The following ZNF83 variants were observed in gnomAD, a reference collection of about 807,000 sequenced individuals.
ZNF83 encodes the protein zinc finger protein 816B.
For synonymous variants in ZNF83, 209 were observed against 213.0 expected (o/e 0.98, Z 0.17); for missense variants, 552 against 629.9 (o/e 0.88, Z 1.32).
intron 1 of ZNF83, among the ~76,000 whole-genome samples, chr19:52,679,249 A>G (rs2061868412): frequency 6.6e-6 from 1 of 152,216 alleles, no homozygotes; most frequent in African/African-American, 2.4e-5. Context: ...CTTAGAGAAG[A>G]CGATCATTAG....
chr19:52,623,807 C>A (rs532669515), intron 2 of ZNF83, among the ~76,000 whole-genome samples: 1 of 152,270 alleles, frequency 6.6e-6, no homozygotes, highest in South Asian at 2.1e-4. Context: ...CTAAAAACTC[C>A]TTATGATTCC....
intron 1 of ZNF83, among the ~76,000 whole-genome samples, chr19:52,674,552 G>A (rs1260296427): frequency 6.6e-6 from 1 of 152,054 alleles, no homozygotes; most frequent in Non-Finnish European, 1.5e-5. Flanking sequence ...AATACAAGTG[G>A]AACTAATAAA....
chr19:52,677,125 A>T (rs917410420), intron 1 of ZNF83, among the ~76,000 whole-genome samples: 3 of 48,054 alleles, frequency 6.2e-5, no homozygotes, highest in South Asian at 4.2e-4. Flanking sequence ...ATGATCAATT[A>T]AAAAAAAAAA....
rs140184253 is a variant in ZNF83 at position 52,672,467 on chromosome 19, G to T, written c.-282-11624C>A. Among the ~76,000 whole-genome samples, 5 of 152,266 alleles carry T rather than the reference G, an allele frequency of 3.3e-5. No homozygotes were observed. The East Asian group carries it at 9.6e-4, about 29-fold the overall frequency. On this transcript the variant is annotated intron_variant, in intron 1 of 5. Transcript: ENST00000594682. ...AGCAAGTTTAAAAAAGCATAATGTCGTCAGGCATGGTGGCTTGTGCCTGTA... is the reference window on the plus strand; with the variant it reads ...AGCAAGTTTAAAAAAGCATAATGTCTTCAGGCATGGTGGCTTGTGCCTGTA...
At chr19:52,614,862 G>C in intron 2 of ZNF83, 65 bp from the exon 3 acceptor site, 1 of 1,205,002 alleles carries the variant, frequency 8.3e-7, no homozygotes, top group South Asian at 4.0e-5. Flanking sequence ...ATCTCCTATT[G>C]AAATGTGTAA....
intron 2 of ZNF83, among the ~76,000 whole-genome samples, chr19:52,657,717 C>A (rs2061524932): frequency 6.6e-6 from 1 of 151,860 alleles, no homozygotes; most frequent in Non-Finnish European, 1.5e-5. Context: ...TGTGGTGGTG[C>A]ATGCTTGTAA....
At chr19:52,646,706 C>T (rs937578981) in intron 3 of ZNF83, among the ~76,000 whole-genome samples, 3 of 152,192 alleles carry the variant, frequency 2.0e-5, no homozygotes, top group African/African-American at 7.2e-5. Flanking sequence ...AAACTGGATA[C>T]ATCCCCCCCA....
In ZNF83 at chr19:52,613,499, G is replaced by A. The variant is rs754684053; in HGVS notation, c.1066C>T (p.Arg356Cys). The stretch of plus-strand genomic sequence containing the variant: ...AGATGTTGGGCAAGGTATGAATTGC[G>A]ACTGAAGACCTTGCCACATTCATTA... The change falls in exon 3 of 3, where the codon CGC (arginine) becomes TGC (cysteine). Residue 356 changes from arginine to cysteine, a missense_variant. Coordinates refer to ENST00000301096, the Ensembl canonical transcript of ZNF83. The A allele has an allele frequency of 1.2e-5, 19 of 1,613,364 alleles. No individual in the cohort carries two copies. Among genetic ancestry groups the A allele is most frequent in the Non-Finnish European group, 1.5e-5 (18 of 1,179,848 alleles).
chr19:52,625,836 G>C (rs1488075816), intron 2 of ZNF83, among the ~76,000 whole-genome samples: 1 of 152,082 alleles, frequency 6.6e-6, no homozygotes, highest in Non-Finnish European at 1.5e-5. Flanking sequence ...CCTCTACACA[G>C]TTACCCCATC....
At chr19:52,667,392 G>T (rs1447344698) in intron 1 of ZNF83, among the ~76,000 whole-genome samples, 2 of 152,120 alleles carry the variant, frequency 1.3e-5, no homozygotes, top group African/African-American at 4.8e-5. Context: ...TGTGAAAAAA[G>T]AAAAGTTATA....
At chr19:52,671,256 C>T (rs1050353336) in intron 1 of ZNF83, among the ~76,000 whole-genome samples, 2 of 152,136 alleles carry the variant, frequency 1.3e-5, no homozygotes, top group South Asian at 2.1e-4. Context: ...ATAAAAAAAT[C>T]AGAGCTTACA....
At chr19:52,669,416 G>C (rs901389192) in intron 1 of ZNF83, among the ~76,000 whole-genome samples, 1 of 152,186 alleles carries the variant, frequency 6.6e-6, no homozygotes, top group Admixed American at 6.5e-5. Flanking sequence ...ACAACCAACA[G>C]CTATCTATTA....
chr19:52,642,416 G>A (rs142114010), upstream of ZNF83, among the ~76,000 whole-genome samples: 1,082 of 151,704 alleles, frequency 7.1e-3, 15 homozygotes, highest in African/African-American at 0.025. Context: ...TTATAGGCAG[G>A]CACCACCACG....
At chr19:52,624,490 T>C (rs137912998) in intron 2 of ZNF83, among the ~76,000 whole-genome samples, 98 of 152,312 alleles carry the variant, frequency 6.4e-4, no homozygotes, top group African/African-American at 2.2e-3. Context: ...AACAAAACCA[T>C]TGTATCAACT....
chr19:52,624,921 T>G (rs1347413894), intron 2 of ZNF83, among the ~76,000 whole-genome samples: 10 of 152,260 alleles, frequency 6.6e-5, no homozygotes, highest in Admixed American at 5.2e-4. Context: ...TTGTTGAGTC[T>G]CCCACAATTA....
At chr19:52,680,823 A>T (rs974413893) in intron 1 of ZNF83, among the ~76,000 whole-genome samples, 1 of 150,160 alleles carries the variant, frequency 6.7e-6, no homozygotes. Context: ...CGTGTTAGCC[A>T]GGATGGTCTC....
chr19:52,680,319 C>T (rs1033676172), intron 1 of ZNF83, among the ~76,000 whole-genome samples: 3 of 152,096 alleles, frequency 2.0e-5, no homozygotes, highest in Non-Finnish European at 4.4e-5. Context: ...GTACCTGTAG[C>T]TCTCCCACAT....
At chr19:52,686,220 C>T (rs536082592) in intron 1 of ZNF83, among the ~76,000 whole-genome samples, 2 of 152,116 alleles carry the variant, frequency 1.3e-5, no homozygotes, top group East Asian at 3.9e-4. Flanking sequence ...AGCATGCAGA[C>T]CTCGATCTGA....
intron 2 of ZNF83, among the ~76,000 whole-genome samples, chr19:52,631,002 A>G (rs544774228): frequency 6.8e-6 from 1 of 147,798 alleles, no homozygotes; most frequent in African/African-American, 2.5e-5. Context: ...TCTACTACCC[A>G]TTATTCTGTT....
Sources: gnomAD v4.1 joint callset for allele counts (sites outside exome capture counted in the v4.1 genomes callset) on GRCh38, gnomAD v4.1.1 for gene constraint, MANE v1.5 for transcripts, NCBI Gene and HGNC (gene_info 2026-07-23, HGNC 2026-07-21) for gene names.